Variants in SLC4A10 observed in about 807,000 individuals in gnomAD.
SLC4A10 encodes the protein solute carrier family 4 member 10, also known as sodium-driven chloride bicarbonate exchanger.
A neutral mutation model predicts 137.7 loss-of-function variants in SLC4A10; 42 were observed. That is an observed-to-expected ratio of 0.30 (90% confidence interval 0.24 to 0.39). SLC4A10 has a LOEUF of 0.39. SLC4A10 is among the 10% of genes least tolerant of loss of function. SLC4A10 has a pLI of 1.00. For synonymous variants in SLC4A10, 474 were observed against 464.1 expected (o/e 1.02, Z -0.27); for missense variants, 925 against 1,355.0 (o/e 0.68, Z 4.98).
At chr2:161,854,921 T>C (rs2060019008) in intron 4 of SLC4A10, 49 bp from the exon 5 acceptor site, 1 of 1,507,412 alleles carries the variant, frequency 6.6e-7, no homozygotes, top group African/African-American at 1.4e-5. Flanking sequence ...TAAAGGATCA[T>C]TAACCTACAA....
intron 1 of SLC4A10, among the ~76,000 whole-genome samples, chr2:161,745,014 A>T (rs991947430): frequency 1.7e-4 from 26 of 152,088 alleles, no homozygotes; most frequent in African/African-American, 6.0e-4. Context: ...AATTTTTTGC[A>T]TGACAAGTCT....
intron 1 of SLC4A10, among the ~76,000 whole-genome samples, chr2:161,639,616 A>G (rs1037587889): frequency 6.6e-6 from 1 of 152,156 alleles, no homozygotes; most frequent in Non-Finnish European, 1.5e-5. Context: ...GAGAAGGAAC[A>G]TACCTTAACA....
chr2:161,930,308 A>G (rs2105616751), intron 15 of SLC4A10, among the ~76,000 whole-genome samples: 1 of 152,226 alleles, frequency 6.6e-6, no homozygotes, highest in Admixed American at 6.5e-5. Flanking sequence ...AACAGAACAA[A>G]AATCTCTCCT....
At chr2:161,927,970 C>T (rs1689499649) in intron 15 of SLC4A10, among the ~76,000 whole-genome samples, 1 of 150,640 alleles carries the variant, frequency 6.6e-6, no homozygotes, top group African/African-American at 2.4e-5. Flanking sequence ...GTGGCGATTC[C>T]TCAGGGATCT....
chr2:161,969,060 T>A (rs1463222358), intron 23 of SLC4A10, among the ~76,000 whole-genome samples: 1 of 152,218 alleles, frequency 6.6e-6, no homozygotes, highest in African/African-American at 2.4e-5. Flanking sequence ...ACTTTGATCA[T>A]GAACTGGCAA....
intron 18 of SLC4A10, 47 bp from the exon 19 acceptor site, chr2:161,950,640 A>G: frequency 6.5e-7 from 1 of 1,539,010 alleles, no homozygotes; most frequent in African/African-American, 1.4e-5. Context: ...TTGATCAAGT[A>G]TTCATTAATC....
rs541461259 is a variant in SLC4A10 at position 161,922,168 on chromosome 2, A to G, written c.1997+16281A>G. ...TTCCAAACTTATATATTTAGAGGCT[A>G]AGGAGAGGATATGTCTATTTGAATG... is the stretch of plus-strand genomic sequence containing the variant. On this transcript the variant is annotated intron_variant, in intron 15 of 26. Coordinates refer to ENST00000446997, the MANE Select transcript of SLC4A10 (RefSeq NM_001178015.2). Among the ~76,000 whole-genome samples, 164 of 152,300 alleles carry G rather than the reference A, an allele frequency of 1.1e-3. 1 individual carries two copies. The highest frequency in any genetic ancestry group is 3.7e-3 in the African/African-American group (154 of 41,588).
intron 1 of SLC4A10, among the ~76,000 whole-genome samples, chr2:161,643,269 G>A (rs970086091): frequency 6.6e-6 from 1 of 152,044 alleles, no homozygotes; most frequent in African/African-American, 2.4e-5. Flanking sequence ...ACTTGAGGAA[G>A]GCAAAGGCCA....
At chr2:161,862,808 G>T in intron 5 of SLC4A10, 66 bp from the exon 6 acceptor site, 1 of 1,291,102 alleles carries the variant, frequency 7.7e-7, no homozygotes, top group East Asian at 2.7e-5. Flanking sequence ...TGGACTCAGT[G>T]GTTCACGGCT....
chr2:161,870,269 A>G (rs1298555613), intron 6 of SLC4A10, among the ~76,000 whole-genome samples: 1 of 151,638 alleles, frequency 6.6e-6, no homozygotes, highest in African/African-American at 2.4e-5. Flanking sequence ...AAGTATACAA[A>G]TGAAAACATA....
chr2:161,889,921 A>C (rs1273116405), intron 10 of SLC4A10, among the ~76,000 whole-genome samples: 1 of 152,152 alleles, frequency 6.6e-6, no homozygotes, highest in Non-Finnish European at 1.5e-5. Context: ...TTCTGTGGGC[A>C]TTTAGTGCTA....
chr2:161,824,495 G>T (rs973790385), intron 3 of SLC4A10, among the ~76,000 whole-genome samples: 1 of 152,164 alleles, frequency 6.6e-6, no homozygotes, highest in Non-Finnish European at 1.5e-5. Context: ...CGAAAAAGGT[G>T]GGGGTAAAAG....
intron 15 of SLC4A10, among the ~76,000 whole-genome samples, chr2:161,918,659 T>C (rs2105478134): frequency 6.6e-6 from 1 of 151,836 alleles, no homozygotes; most frequent in Non-Finnish European, 1.5e-5. Context: ...TGGAGATGAG[T>C]TTTTCTGCAT....
In SLC4A10 at chr2:161,839,875, G is replaced by T; in HGVS notation, c.364G>T (p.Asp122Tyr). 1 of 1,613,930 alleles carries T rather than the reference G, an allele frequency of 6.2e-7. No individual in the cohort carries two copies. ...TCCTCATGACCTTTTCACAGAACTG[G>T]ATGAGATTTGTTGGCGTGAAGGTGA... ...HIPHDLFTEL[D>Y]EICWREGEDA... The change falls in exon 4 of 27, where the codon GAT becomes TAT. Residue 122 changes from aspartate (D) to tyrosine (Y), a missense_variant. By Grantham distance (160) the Asp-to-Tyr change is radical. Around this residue, in one of 11 missense-constraint regions of SLC4A10, gnomAD observed 138 missense variants for 171.3 expected, o/e 0.81. Transcript: ENST00000446997.
intron 1 of SLC4A10, among the ~76,000 whole-genome samples, chr2:161,769,001 G>A (rs1042126012): frequency 6.6e-6 from 1 of 151,972 alleles, no homozygotes; most frequent in Non-Finnish European, 1.5e-5. Context: ...GTATGGGCGA[G>A]CAGGCCTTAA....
intron 1 of SLC4A10, among the ~76,000 whole-genome samples, chr2:161,758,222 T>TAATA (rs772813396): frequency 8.5e-5 from 13 of 152,098 alleles, no homozygotes; most frequent in Non-Finnish European, 1.8e-4. Context: ...AACATATCAC[T>TAATA]AATAAATAAT....
chr2:161,937,668 T>C (rs73971503), intron 15 of SLC4A10, among the ~76,000 whole-genome samples: 5,902 of 152,312 alleles, frequency 0.039, 367 homozygotes, highest in African/African-American at 0.13. Flanking sequence ...CCCGAGATTA[T>C]ATCTATCTTG....
At position 161,978,437 on chromosome 2, in the gene SLC4A10, A is replaced by ATTG. The variant is rs775111893; in HGVS notation, c.*26+678_*26+680dup. On this transcript the variant is annotated intron_variant, in intron 26 of 26. Transcript: ENST00000446997. ...AGAAAAAGAAAAAAGAAAGAAAGAA[A>ATTG]TTGCAAAGCTGAGAGCCTCCATTAT... is the stretch of plus-strand genomic sequence containing the variant. Among the ~76,000 whole-genome samples, 8 of 151,270 alleles carry ATTG rather than the reference A, an allele frequency of 5.3e-5. No homozygotes were observed. In the East Asian group the frequency reaches 1.2e-3, roughly 22 times the overall value.
intron 15 of SLC4A10, among the ~76,000 whole-genome samples, chr2:161,931,629 TA>T (rs2105635126): frequency 6.6e-6 from 1 of 152,330 alleles, no homozygotes; most frequent in Non-Finnish European, 1.5e-5. Flanking sequence ...AATGGAGCTT[TA>T]AAAAAATTAA....
Sources: allele counts gnomAD v4.1 joint callset (sites outside exome capture counted in the v4.1 genomes callset), GRCh38; gene constraint gnomAD v4.1.1; regional missense constraint gnomAD v4.1.1; transcripts MANE v1.5; gene names NCBI Gene and HGNC (gene_info 2026-07-23, HGNC 2026-07-21).